Variants in SLC38A5 observed in about 807,000 individuals in gnomAD.
SLC38A5 encodes solute carrier family 38 member 5, also known as sodium-coupled neutral amino acid transporter 5.
A neutral mutation model predicts 34.6 loss-of-function variants in SLC38A5; 9 were observed. The ratio of observed to expected loss-of-function variants is 0.26; its 90% CI spans 0.16 to 0.45. SLC38A5 has a LOEUF of 0.45. Ranked by LOEUF, SLC38A5 falls within the 20% of genes least tolerant of loss-of-function variation. The pLI is 1.00. For missense variants in SLC38A5, 253 were observed against 394.7 expected (o/e 0.64, Z 3.04); for synonymous variants, 157 against 155.6 (o/e 1.01, Z -0.07).
chrX:48,463,847 AAGAG>A (rs200249289), intron 8 of SLC38A5, among the ~76,000 whole-genome samples: 6 of 73,543 alleles, frequency 8.2e-5, no homozygotes, highest in African/African-American at 2.0e-4. Flanking sequence ...GGAAGAAAGA[AAGAG>A]AGAGAAAGAA....
chrX:48,465,122 C>T (rs2147069910), intron 8 of SLC38A5, among the ~76,000 whole-genome samples: 1 of 111,653 alleles, frequency 9.0e-6, no homozygotes, highest in South Asian at 3.7e-4. Context: ...AGCTGGAGCA[C>T]AAGCACTGCA....
chrX:48,460,567 G>T, intron 14 of SLC38A5, 82 bp downstream of exon 14: 1 of 977,801 alleles, frequency 1.0e-6, no homozygotes, highest in African/African-American at 1.9e-5. Context: ...ATCCACTCCT[G>T]TTTCCAGCCT....
At chrX:48,465,215 C>T (rs937202946) in intron 8 of SLC38A5, among the ~76,000 whole-genome samples, 2 of 111,644 alleles carry the variant, frequency 1.8e-5, no homozygotes, top group African/African-American at 3.3e-5. Flanking sequence ...ACAGCGGATC[C>T]GGACTCACAC....
chrX:48,467,975 T>C (rs2061491458), intron 2 of SLC38A5, 50 bp from the exon 3 acceptor site: 1 of 1,140,573 alleles, frequency 8.8e-7, no homozygotes, highest in African/African-American at 1.8e-5. Context: ...ACGAGCATGC[T>C]TCAAAGTGAG....
rs2061496947 is a variant in SLC38A5 at position 48,468,813 on chromosome X, C to G, written c.-2+522G>C. The G allele has an allele frequency of 6.2e-6, 4 of 646,284 alleles. No homozygotes were observed. In the South Asian group the frequency reaches 2.5e-4, roughly 41 times the overall value. 53.3% of individuals were successfully genotyped at this position (646,284 alleles called of 1,213,427 possible). ...TGTGGGGTGTCTCAGGAACCTGGCC[C>G]GAGCCCTCATTTCCCTCCGGAGGAA... On this transcript the variant is annotated intron_variant, in intron 2 of 16. Transcript: ENST00000620913.
In SLC38A5 at chrX:48,464,027, G is replaced by A. The variant is rs371315161; in HGVS notation, c.492-1047C>T. Among the ~76,000 whole-genome samples the A allele has an allele frequency of 4.5e-5, 5 of 112,200 alleles. No homozygotes were observed. In the East Asian group the frequency reaches 1.4e-3, roughly 31 times the overall value. On this transcript the variant is annotated intron_variant, in intron 8 of 16. Transcript: ENST00000620913. ...AACAGTCTGATGATCCAGTAGACAA[G>A]CCACGATGCAGAGTCCATCAAAAAG...
chrX:48,468,349 C>A (rs1302180978), intron 2 of SLC38A5: 1 of 775,795 alleles, frequency 1.3e-6, no homozygotes, highest in African/African-American at 2.3e-5. Context: ...CGGTCCCCCG[C>A]GCCACCCCCT....
intron 12 of SLC38A5, 127 bp downstream of exon 12, chrX:48,461,591 C>G: frequency 1.4e-6 from 1 of 723,196 alleles, no homozygotes; most frequent in Non-Finnish European, 2.0e-6. Context: ...CACCCCAAAC[C>G]CCTCCCATGA....
At chrX:48,461,602 C>T in intron 12 of SLC38A5, 116 bp downstream of exon 12, 2 of 807,058 alleles carry the variant, frequency 2.5e-6, no homozygotes, top group East Asian at 7.0e-5. Flanking sequence ...CCTCCCATGA[C>T]ACAACCTAGC....
At chrX:48,467,485 G>C (rs1296559839) in intron 4 of SLC38A5, 5 of 434,754 alleles carry the variant, frequency 1.2e-5, no homozygotes, top group Non-Finnish European at 2.0e-5. Context: ...TCACTGGGCC[G>C]AAGAGCGGGT....
At position 48,458,544 on chromosome X, in the gene SLC38A5, T is replaced by C. The variant is rs1454351181; in HGVS notation, c.*389A>G. ...AAAGATCAGAAGGCTGAGTCCAGAG[T>C]GGTAGCTCAACATCTTTATTTTTCC... On this transcript the variant is annotated 3_prime_UTR_variant, in exon 17 of 17. Transcript: ENST00000620913. 2.3e-5 allele frequency: 18 copies of C among 799,573 alleles called. No individual in the cohort carries two copies. The highest frequency in any genetic ancestry group is 2.7e-5 in the Non-Finnish European group (18 of 667,105). The allele number at this position is 799,573 out of a possible 1,213,427, so 65.9% of individuals were successfully genotyped here.
Position 48,458,685 on chromosome X carries a change from T to TCCTCCA in SLC38A5, c.*247_*248insTGGAGG. 1 of 984,820 alleles carries TCCTCCA rather than the reference T, an allele frequency of 1.0e-6. No homozygotes were observed. Among genetic ancestry groups the TCCTCCA allele is most frequent in the Non-Finnish European group, 1.3e-6 (1 of 782,499 alleles). The allele number at this position is 984,820 out of a possible 1,213,427, so 81.2% of individuals were successfully genotyped here. ...CTCCTCCTCCTCCTCCTCCTCCTCC[T>TCCTCCA]CCTCCTCCTCTTCTTCCTCCTCCTC... On this transcript the variant is annotated 3_prime_UTR_variant, in exon 17 of 17. Transcript: ENST00000620913.
At chrX:48,464,931 CAA>C (rs1190041180) in intron 8 of SLC38A5, among the ~76,000 whole-genome samples, 5 of 79,413 alleles carry the variant, frequency 6.3e-5, no homozygotes, top group African/African-American at 1.4e-4. Context: ...GAGACTCTGT[CAA>C]AAAAAAAAAA....
At position 48,462,924 on chromosome X, in the gene SLC38A5, A is replaced by G. The variant is rs1170084974; in HGVS notation, c.548T>C (p.Leu183Pro). Reference protein sequence around the residue: ...LIIIVSVLIILPLALMKHLGY... With the variant: ...LIIIVSVLIIPPLALMKHLGY... ...CAAGTGTTTCATGAGGGCGAGGGGCAGGATGATTAACACACTGACGATGAT... is the reference window on the plus strand; with the variant it reads ...CAAGTGTTTCATGAGGGCGAGGGGCGGGATGATTAACACACTGACGATGAT... Residue 183 changes from leucine to proline, a missense_variant, in exon 9 of 17, where the codon CTG becomes CCG. Leu to Pro is a moderately conservative substitution (Grantham distance 98). This residue lies in a region of SLC38A5 where 176 missense variants were observed against 273.0 expected (regional missense o/e 0.64). Transcript: ENST00000620913. 1 of 1,207,543 alleles carries G rather than the reference A, an allele frequency of 8.3e-7. No individual in the cohort carries two copies. Among genetic ancestry groups the G allele is most frequent in the Non-Finnish European group, 1.1e-6 (1 of 894,173 alleles).
At chrX:48,459,332 G>A in intron 16 of SLC38A5, 1 of 436,414 alleles carries the variant, frequency 2.3e-6, no homozygotes, top group Non-Finnish European at 3.8e-6. Context: ...CTCTGTTTGA[G>A]TGCTCCCTGT....
chrX:48,466,163 G>A (rs1473814292), intron 7 of SLC38A5, 67 bp downstream of exon 7: 47 of 1,144,546 alleles, frequency 4.1e-5, no homozygotes, highest in Admixed American at 1.3e-4. Flanking sequence ...CCCCAGCCCA[G>A]CCTGGGGAAG....
chrX:48,458,995 C>T lies in SLC38A5; in HGVS notation c.1357G>A (p.Val453Ile), dbSNP rs1198781803. The T allele has an allele frequency of 1.3e-5, 16 of 1,195,038 alleles. No homozygotes were observed. The highest frequency in any genetic ancestry group is 3.0e-5 in the East Asian group (1 of 32,989). Residue 453 changes from valine to isoleucine, a missense_variant, in exon 17 of 17, where the codon GTC becomes ATC. By Grantham distance (29) the Val-to-Ile change is conservative (BLOSUM62 3). Coordinates refer to ENST00000620913, the MANE Select transcript of SLC38A5 (RefSeq NM_033518.4). ...FGVLGVLFMA[V>I]SLGFMFANWA... ...TTGGCAAACATAAAGCCTAGACTGACGGCCATGAAGAGGACTCCCAGGACT... is the reference window on the plus strand; with the variant it reads ...TTGGCAAACATAAAGCCTAGACTGATGGCCATGAAGAGGACTCCCAGGACT...
intron 16 of SLC38A5, 181 bp from the exon 17 acceptor site, chrX:48,459,215 AC>A: frequency 2.0e-6 from 1 of 489,769 alleles, no homozygotes; most frequent in African/African-American, 2.4e-5. Flanking sequence ...CCTTCCCAGG[AC>A]CCATGACAGA....
chrX:48,464,863 G>A (rs1001201755), intron 8 of SLC38A5, among the ~76,000 whole-genome samples: 8 of 110,293 alleles, frequency 7.3e-5, no homozygotes, highest in African/African-American at 2.7e-4. Flanking sequence ...GAACCTGGGA[G>A]GCAGAGGTTA....
Sources: gnomAD v4.1 joint callset for allele counts (sites outside exome capture counted in the v4.1 genomes callset) on GRCh38, gnomAD v4.1.1 for gene constraint, gnomAD v4.1.1 regional missense constraint, MANE v1.5 for transcripts, NCBI Gene and HGNC (gene_info 2026-07-23, HGNC 2026-07-21) for gene names.